Variants in USP44 observed in about 807,000 individuals in gnomAD.
USP44 encodes ubiquitin carboxyl-terminal hydrolase 44.
USP44 carries 61 observed loss-of-function variants against 69.0 expected under a neutral mutation model. The ratio of observed to expected loss-of-function variants is 0.88; its 90% CI spans 0.72 to 1.09. The LOEUF is 1.09. Among genes scored for constraint, USP44 ranks in the 50% least tolerant of loss-of-function variants. The probability of loss-of-function intolerance (pLI) is 0.00; values close to 1 mark genes in which losing one functional copy is unlikely to be tolerated. For missense variants in USP44, 753 were observed against 849.9 expected (o/e 0.89, Z 1.42); for synonymous variants, 297 against 295.4 (o/e 1.01, Z -0.06).
chr12:95,521,068 G>A lies in USP44; in HGVS notation c.1868C>T (p.Ala623Val), dbSNP rs758367333. 3.7e-6 allele frequency: 6 copies of A among 1,614,000 alleles called. No individual in the cohort carries two copies. Among genetic ancestry groups the A allele is most frequent in the Admixed American group, 1.7e-5 (1 of 59,994 alleles). Residue 623 changes from alanine to valine, a missense_variant, in exon 5 of 6, where the codon GCG becomes GTG. By Grantham distance (64) the Ala-to-Val change is moderately conservative (BLOSUM62 0). Coordinates refer to ENST00000258499, the MANE Select transcript of USP44 (RefSeq NM_032147.5). ...RPECFIYDLS[A>V]VVMHHGKGFG... ...TCCTTTCCCATGGTGCATCACCACC[G>A]CGGACAAGTCATAGATAAAGCATTC...
intron 1 of USP44, among the ~76,000 whole-genome samples, chr12:95,544,856 C>T (rs1382215157): frequency 3.3e-5 from 5 of 152,204 alleles, no homozygotes; most frequent in East Asian, 3.9e-4. Flanking sequence ...ACAATATTTA[C>T]ATTTTATATG....
In USP44 at chr12:95,534,512, C is replaced by G. The variant is rs576778633; in HGVS notation, c.-70-186G>C. On this transcript the variant is annotated intron_variant, in intron 1 of 5. Transcript: ENST00000258499. ...CCTCACATCCACCTTGCTCTGAAAG[C>G]ACAGACACTTCACTTTCTCTAATGA... 8.5e-5 allele frequency among the ~76,000 whole-genome samples: 13 copies of G among 152,258 alleles called. No homozygotes were observed. In the South Asian group the frequency reaches 2.3e-3, roughly 27 times the overall value.
chr12:95,551,037 C>G (rs1428693591), intron 1 of USP44, among the ~76,000 whole-genome samples: 1 of 151,986 alleles, frequency 6.6e-6, no homozygotes, highest in Admixed American at 6.6e-5. Flanking sequence ...TATTCATGAT[C>G]TTCACTATCT....
At chr12:95,522,978 T>G (rs933573903) in intron 4 of USP44, among the ~76,000 whole-genome samples, 1 of 152,044 alleles carries the variant, frequency 6.6e-6, no homozygotes, top group Admixed American at 6.6e-5. Flanking sequence ...TAATCAGTCA[T>G]GCCTATGTAC....
intron 1 of USP44, among the ~76,000 whole-genome samples, chr12:95,535,683 G>A (rs1321048844): frequency 6.6e-6 from 1 of 152,128 alleles, no homozygotes; most frequent in Non-Finnish European, 1.5e-5. Flanking sequence ...TTATTTACAT[G>A]TAATGAACAG....
chr12:95,518,803 G>A (rs1350972980), intron 5 of USP44, among the ~76,000 whole-genome samples: 1 of 152,130 alleles, frequency 6.6e-6, no homozygotes, highest in African/African-American at 2.4e-5. Context: ...GCCAGGCGTG[G>A]TGGTGCACAC....
chr12:95,520,178 T>C (rs957042991), intron 5 of USP44, among the ~76,000 whole-genome samples: 9 of 151,906 alleles, frequency 5.9e-5, no homozygotes, highest in Admixed American at 2.0e-4. Flanking sequence ...GTTTCATTCT[T>C]TGTTCAACAG....
rs199792715 is a variant in USP44, at chr12:95,538,140, TTACAGTAAAACG to T, written c.-70-3826_-70-3815del. On this transcript the variant is annotated intron_variant, in intron 1 of 5. Transcript: ENST00000258499. ...GAGACATCATGGTAGAAGAGAGGGATTACAGTAAAACGGTGAGCGAGCACACACTGGAATCTA... is the reference window on the plus strand; with the variant it reads ...GAGACATCATGGTAGAAGAGAGGGATGTGAGCGAGCACACACTGGAATCTA... 5.7e-3 allele frequency among the ~76,000 whole-genome samples: 875 copies of T among 152,266 alleles called. 11 individuals are homozygous for T. Among genetic ancestry groups the T allele is most frequent in the African/African-American group, 0.02 (846 of 41,534 alleles).
At chr12:95,527,320 C>G (rs1405510740) in intron 3 of USP44, among the ~76,000 whole-genome samples, 4 of 151,862 alleles carry the variant, frequency 2.6e-5, no homozygotes, top group African/African-American at 9.7e-5. Flanking sequence ...GTCTCGAACT[C>G]CTGACCTCAG....
At chr12:95,542,184 T>C (rs1211325507) in intron 1 of USP44, among the ~76,000 whole-genome samples, 1 of 152,164 alleles carries the variant, frequency 6.6e-6, no homozygotes, top group Non-Finnish European at 1.5e-5. Context: ...CCCAGCCTTC[T>C]TTAATTTCTT....
intron 1 of USP44, among the ~76,000 whole-genome samples, chr12:95,537,378 G>A (rs1047454783): frequency 2.6e-5 from 4 of 152,054 alleles, no homozygotes; most frequent in Middle Eastern, 3.2e-3. Flanking sequence ...GAGTGCAGGG[G>A]TGCTATCTTA....
At chr12:95,525,957 A>G (rs1340321213) in intron 3 of USP44, among the ~76,000 whole-genome samples, 1 of 152,180 alleles carries the variant, frequency 6.6e-6, no homozygotes, top group Non-Finnish European at 1.5e-5. Flanking sequence ...TAACCCTGCG[A>G]TCCAGGTATC....
intron 1 of USP44, among the ~76,000 whole-genome samples, chr12:95,537,945 T>C (rs1592725964): frequency 6.6e-6 from 1 of 152,182 alleles, no homozygotes; most frequent in African/African-American, 2.4e-5. Flanking sequence ...ATAAATTCCC[T>C]TGAATACAAA....
chr12:95,543,229 C>T (rs2077450160), intron 1 of USP44, among the ~76,000 whole-genome samples: 5 of 150,844 alleles, frequency 3.3e-5, no homozygotes, highest in Non-Finnish European at 5.9e-5. Context: ...GGTGAAATCC[C>T]GTCTCTACTA....
intron 2 of USP44, among the ~76,000 whole-genome samples, chr12:95,532,610 C>T (rs764839399): frequency 1.3e-5 from 2 of 152,084 alleles, no homozygotes; most frequent in African/African-American, 2.4e-5. Context: ...CTCCCTCCCT[C>T]CAAAAGCTTT....
chr12:95,534,224 C>A lies in USP44; in HGVS notation c.33G>T (p.Gly11=). MLAMDTCKHV[G]QLQLAQDHSS... The stretch of plus-strand genomic sequence containing the variant: ...AATGGTCTTGAGCAAGCTGCAGCTG[C>A]CCAACATGTTTGCACGTATCCATTG... The change falls in exon 2 of 6, where the codon GGG becomes GGT. Residue 11 remains glycine, a synonymous_variant. Coordinates refer to ENST00000258499, the MANE Select transcript of USP44 (RefSeq NM_032147.5). 6.2e-7 allele frequency: 1 copy of A among 1,613,596 alleles called. No individual in the cohort carries two copies. Among genetic ancestry groups the A allele is most frequent in the Non-Finnish European group, 8.5e-7 (1 of 1,179,700 alleles).
chr12:95,545,948 G>A (rs189896516), intron 1 of USP44, among the ~76,000 whole-genome samples: 1 of 152,040 alleles, frequency 6.6e-6, no homozygotes, highest in East Asian at 1.9e-4. Flanking sequence ...AACAATAAAG[G>A]ACACCCTTTT....
intron 2 of USP44, among the ~76,000 whole-genome samples, chr12:95,530,516 CTGA>C (rs1228347135): frequency 6.6e-6 from 1 of 152,044 alleles, no homozygotes; most frequent in Non-Finnish European, 1.5e-5. Flanking sequence ...CTTAAATCTC[CTGA>C]GAACCAGTTC....
intron 2 of USP44, among the ~76,000 whole-genome samples, chr12:95,530,998 A>G (rs2077001868): frequency 1.3e-5 from 2 of 152,046 alleles, no homozygotes; most frequent in Admixed American, 1.3e-4. Context: ...CCCCGTCTCT[A>G]CTAAAAACAC....
Sources: gnomAD v4.1 joint callset for allele counts (sites outside exome capture counted in the v4.1 genomes callset) on GRCh38, gnomAD v4.1.1 for gene constraint, MANE v1.5 for transcripts, NCBI Gene and HGNC (gene_info 2026-07-23, HGNC 2026-07-21) for gene names.